Variants in TAF3 observed in about 807,000 individuals in gnomAD.
TAF3 encodes the protein TATA-box binding protein associated factor 3.
In TAF3, 7 loss-of-function variants were observed where a neutral mutation model predicts 80.6. The ratio of observed to expected loss-of-function variants is 0.09; its 90% CI spans 0.05 to 0.16. The LOEUF is 0.16. TAF3 is among the 10% of genes least tolerant of loss of function. The pLI is 1.00. For synonymous variants in TAF3, 444 were observed against 446.1 expected, an observed-to-expected ratio of 1.00 and a Z score of 0.06; for missense variants, 921 against 1,140.2, an observed-to-expected ratio of 0.81 and a Z score of 2.77.
chr10:7,965,985 A>G (rs919983539), intron 3 of TAF3, among the ~76,000 whole-genome samples: 2 of 152,192 alleles, frequency 1.3e-5, no homozygotes, highest in Non-Finnish European at 2.9e-5. Context: ...ATCACAGACT[A>G]TAAACTCTCT....
intron 2 of TAF3, among the ~76,000 whole-genome samples, chr10:7,919,084 T>G (rs1256030425): frequency 1.3e-5 from 2 of 152,092 alleles, no homozygotes; most frequent in African/African-American, 4.8e-5. Flanking sequence ...TAATGACAGA[T>G]TGTGCATTTC....
At chr10:7,966,538 A>G (rs1403097161) in intron 3 of TAF3, among the ~76,000 whole-genome samples, 1 of 152,204 alleles carries the variant, frequency 6.6e-6, no homozygotes, top group African/African-American at 2.4e-5. Flanking sequence ...CTTGGATTAC[A>G]GCAGCCGGCT....
At chr10:7,969,497 G>A (rs922316331) in intron 3 of TAF3, among the ~76,000 whole-genome samples, 6 of 152,112 alleles carry the variant, frequency 3.9e-5, no homozygotes, top group African/African-American at 7.2e-5. Flanking sequence ...TATATTGCAT[G>A]GATCTTTGGG....
At chr10:7,835,206 G>A (rs913972172) in intron 2 of TAF3, among the ~76,000 whole-genome samples, 3 of 152,262 alleles carry the variant, frequency 2.0e-5, no homozygotes, top group African/African-American at 7.2e-5. Context: ...ACCATCGATA[G>A]CTGCTGAGCT....
chr10:7,988,059 G>C (rs906353273), intron 4 of TAF3, among the ~76,000 whole-genome samples: 2 of 152,136 alleles, frequency 1.3e-5, no homozygotes, highest in Non-Finnish European at 2.9e-5. Flanking sequence ...TATGAATTTA[G>C]TCATAATATT....
At chr10:7,874,615 T>C (rs1056093427) in intron 2 of TAF3, among the ~76,000 whole-genome samples, 2 of 151,956 alleles carry the variant, frequency 1.3e-5, no homozygotes, top group Non-Finnish European at 2.9e-5. Context: ...TTTTTTTCTT[T>C]TTTACTGAAA....
At chr10:7,866,615 T>C (rs1455179467) in intron 2 of TAF3, among the ~76,000 whole-genome samples, 1 of 152,200 alleles carries the variant, frequency 6.6e-6, no homozygotes, top group Non-Finnish European at 1.5e-5. Context: ...CAGAGGTCAG[T>C]GCTTATCTGG....
chr10:7,957,792 GCGCTCT>G (rs1159306478), intron 2 of TAF3, among the ~76,000 whole-genome samples: 4,832 of 134,324 alleles, frequency 0.036, 126 homozygotes, highest in Non-Finnish European at 0.049. Context: ...TCTCTCTAGC[GCGCTCT>G]CTCTCTCTCT....
At chr10:7,922,404 A>G (rs545144261) in intron 2 of TAF3, among the ~76,000 whole-genome samples, 26 of 152,176 alleles carry the variant, frequency 1.7e-4, no homozygotes, top group African/African-American at 6.3e-4. Flanking sequence ...TCATTCCTCA[A>G]TTTCTCCAAG....
chr10:7,897,227 CA>C (rs1000904313), intron 2 of TAF3, among the ~76,000 whole-genome samples: 3 of 152,208 alleles, frequency 2.0e-5, no homozygotes, highest in African/African-American at 4.8e-5. Flanking sequence ...TACCCACACC[CA>C]AAGAGGACGG....
intron 2 of TAF3, among the ~76,000 whole-genome samples, chr10:7,832,635 C>T (rs1438641487): frequency 5.9e-5 from 9 of 152,126 alleles, no homozygotes; most frequent in Admixed American, 5.9e-4. Context: ...GCTCCATCTC[C>T]TAGGTTCAAG....
chr10:7,989,528 T>C (rs1334671901), intron 4 of TAF3, among the ~76,000 whole-genome samples: 1 of 152,264 alleles, frequency 6.6e-6, no homozygotes, highest in African/African-American at 2.4e-5. Flanking sequence ...AATACGTTTT[T>C]AAGTATCACG....
intron 2 of TAF3, among the ~76,000 whole-genome samples, chr10:7,941,620 C>CCTT (rs201354485): frequency 0.015 from 2,236 of 152,340 alleles, 30 homozygotes; most frequent in South Asian, 0.05. Flanking sequence ...TCCTGGACAT[C>CCTT]CTTGCTGCGC....
intron 2 of TAF3, among the ~76,000 whole-genome samples, chr10:7,839,737 A>G (rs1430057479): frequency 1.3e-5 from 2 of 151,836 alleles, no homozygotes; most frequent in Non-Finnish European, 2.9e-5. Context: ...TCTTCTATTC[A>G]GGTTACTTTT....
At chr10:7,841,294 C>T (rs1836910166) in intron 2 of TAF3, among the ~76,000 whole-genome samples, 1 of 152,168 alleles carries the variant, frequency 6.6e-6, no homozygotes, top group Non-Finnish European at 1.5e-5. Context: ...CTGTGGAGAG[C>T]CTGCTGTCTG....
chr10:7,959,333 G>A (rs1018447655), intron 2 of TAF3, among the ~76,000 whole-genome samples: 2 of 152,034 alleles, frequency 1.3e-5, no homozygotes, highest in African/African-American at 4.8e-5. Context: ...ATTTTAAAAC[G>A]TTTGTATTTT....
chr10:7,958,179 T>A (rs1162681680), intron 2 of TAF3, among the ~76,000 whole-genome samples: 1 of 152,210 alleles, frequency 6.6e-6, no homozygotes, highest in African/African-American at 2.4e-5. Context: ...CCATTACACA[T>A]GTATCTTATT....
At chr10:7,838,272 C>T in intron 2 of TAF3, among the ~76,000 whole-genome samples, 1 of 152,102 alleles carries the variant, frequency 6.6e-6, no homozygotes, top group African/African-American at 2.4e-5. Flanking sequence ...TCCTCTCTCC[C>T]CATTTTGGCC....
intron 2 of TAF3, among the ~76,000 whole-genome samples, chr10:7,831,084 A>T (rs1836795475): frequency 6.6e-6 from 1 of 152,220 alleles, no homozygotes; most frequent in African/African-American, 2.4e-5. Context: ...CAAAGTAATG[A>T]TAATACTATC....
Sources: allele counts gnomAD v4.1 joint callset (sites outside exome capture counted in the v4.1 genomes callset), GRCh38; gene constraint gnomAD v4.1.1; transcripts MANE v1.5; gene names NCBI Gene and HGNC (gene_info 2026-07-23, HGNC 2026-07-21).